MECR: variants seen among roughly 807,000 people sequenced by gnomAD.
MECR encodes mitochondrial trans-2-enoyl-CoA reductase, also known as enoyl-[acyl-carrier-protein] reductase, mitochondrial.
Under a neutral mutation model 49.1 loss-of-function variants are expected in MECR, and 37 were observed. That is an observed-to-expected ratio of 0.75 (90% CI 0.58 to 0.99). MECR has a LOEUF of 0.99. Ranked by LOEUF, MECR falls within the 50% of genes least tolerant of loss-of-function variation. MECR has a pLI of 0.00. For missense variants in MECR, 470 were observed against 479.6 expected (o/e 0.98, Z 0.19); for synonymous variants, 198 against 191.1 (o/e 1.04, Z -0.30).
At chr1:29,198,717 A>G (rs1201737752) in intron 7 of MECR, among the ~76,000 whole-genome samples, 1 of 152,106 alleles carries the variant, frequency 6.6e-6, no homozygotes, top group Non-Finnish European at 1.5e-5. Context: ...CCTGGGTTCA[A>G]GCAATTCTCC....
chr1:29,226,992 T>C (rs973042652), intron 1 of MECR, among the ~76,000 whole-genome samples: 3 of 127,132 alleles, frequency 2.4e-5, no homozygotes, highest in African/African-American at 9.0e-5. Flanking sequence ...ACAGCCTCAC[T>C]CTGTCGCTGA....
chr1:29,184,837 G>A, the MECR span, among the ~76,000 whole-genome samples: 1 of 151,654 alleles, frequency 6.6e-6, no homozygotes, highest in African/African-American at 2.4e-5. Context: ...TAAACTACTG[G>A]GCTCAGGCCA....
Position 29,196,182 on chromosome 1 carries a change from T to C in MECR, c.891+16A>G. 2 of 1,614,130 alleles carry C rather than the reference T, an allele frequency of 1.2e-6. No homozygotes were observed. The highest frequency in any genetic ancestry group is 1.7e-6 in the Non-Finnish European group (2 of 1,179,988). On this transcript the variant is annotated intron_variant, in intron 8 of 9. Coordinates refer to ENST00000263702, the MANE Select transcript of MECR (RefSeq NM_016011.5). ...TGGCCCGGCTCCAGGCATGCCTCCCTCTGCACCCAGCTTACCACAGAGGCT... is the reference window on the plus strand; with the variant it reads ...TGGCCCGGCTCCAGGCATGCCTCCCCCTGCACCCAGCTTACCACAGAGGCT...
intron 1 of MECR, among the ~76,000 whole-genome samples, chr1:29,226,952 C>CTTTTTT (rs890320572): frequency 6.0e-5 from 6 of 99,720 alleles, no homozygotes; most frequent in Non-Finnish European, 8.0e-5. Flanking sequence ...TGGGAACTAT[C>CTTTTTT]TTTTTTTTTT....
intron 1 of MECR, chr1:29,228,970 A>G (rs900035884): frequency 1.3e-5 from 2 of 152,224 alleles, no homozygotes; most frequent in African/African-American, 4.8e-5. Flanking sequence ...ATTCCTGGAA[A>G]TGGAGGAGTG....
In MECR at chr1:29,230,864, G is replaced by C; in HGVS notation, c.43C>G (p.Arg15Gly). 1 of 1,607,810 alleles carries C rather than the reference G, an allele frequency of 6.2e-7. No homozygotes were observed. Among genetic ancestry groups the C allele is most frequent in the African/African-American group, 1.3e-5 (1 of 74,956 alleles). The change falls in exon 1 of 10, where the codon CGG becomes GGG. Residue 15 changes from arginine (R) to glycine (G), a missense_variant. Arg to Gly is a moderately radical substitution (Grantham distance 125). Coordinates refer to ENST00000263702, the MANE Select transcript of MECR (RefSeq NM_016011.5). The stretch of plus-strand genomic sequence containing the variant: ...GCTGGGAGCAGCCCCCGCCACTGCC[G>C]GGCGGGGGTTCGCACCCGCCACAGG... Reference protein sequence around the residue: ...STLWRVRTPARQWRGLLPASG... With the variant: ...STLWRVRTPAGQWRGLLPASG...
chr1:29,210,434 T>G (rs1422236876), intron 3 of MECR, among the ~76,000 whole-genome samples: 1 of 152,156 alleles, frequency 6.6e-6, no homozygotes, highest in African/African-American at 2.4e-5. Context: ...CCTGTGGGCT[T>G]CCCCCGGACT....
the MECR span, among the ~76,000 whole-genome samples, chr1:29,178,368 CAG>C: frequency 5.0e-4 from 6 of 11,998 alleles, no homozygotes; most frequent in Middle Eastern, 0.14. Flanking sequence ...TTTTTTGAGA[CAG>C]AGTCTCGCTG....
intron 4 of MECR, among the ~76,000 whole-genome samples, chr1:29,204,111 A>G (rs1675972202): frequency 6.6e-6 from 1 of 151,986 alleles, no homozygotes; most frequent in Non-Finnish European, 1.5e-5. Flanking sequence ...CCCAGCTACT[A>G]GGGAGGCTGA....
chr1:29,169,627 A>C, the MECR span: 4 of 152,236 alleles, frequency 2.6e-5, no homozygotes, highest in African/African-American at 9.6e-5. Flanking sequence ...CAGCAATGAG[A>C]ACACAAATAT....
chr1:29,203,300 C>T (rs1258244129), intron 4 of MECR, 67 bp from the exon 5 acceptor site: 7 of 1,291,314 alleles, frequency 5.4e-6, no homozygotes, highest in Non-Finnish European at 6.5e-6. Flanking sequence ...AGGCTCCCAG[C>T]CGGGGATCCT....
Position 29,216,626 on chromosome 1 carries a change from G to T in MECR, c.236C>A (p.Ala79Glu), listed in dbSNP as rs750365471. The T allele has an allele frequency of 1.2e-6, 2 of 1,614,038 alleles. No homozygotes were observed. Among genetic ancestry groups the T allele is most frequent in the Admixed American group, 3.3e-5 (2 of 60,008 alleles). ...TATGTCAGATGGATTGATAGGGGCC[G>T]CCAGCATCTTCACACGGACATCTGA... ...RGSDVRVKML[A>E]APINPSDINM... is the part of the protein sequence containing the mutation. Residue 79 changes from alanine to glutamate, a missense_variant, in exon 2 of 10, where the codon GCG becomes GAG. Physicochemically the swap from Ala to Glu is moderately radical, Grantham distance 107 (BLOSUM62 -1). Coordinates refer to ENST00000263702, the MANE Select transcript of MECR (RefSeq NM_016011.5).
At chr1:29,186,902 G>A in the MECR span, among the ~76,000 whole-genome samples, 3 of 152,156 alleles carry the variant, frequency 2.0e-5, no homozygotes, top group South Asian at 6.2e-4. Flanking sequence ...TCTGTAAAGT[G>A]GTGACATTAA....
At chr1:29,181,228 T>G in the MECR span, among the ~76,000 whole-genome samples, 1 of 151,944 alleles carries the variant, frequency 6.6e-6, no homozygotes, top group South Asian at 2.1e-4. Context: ...GGGCAAGAGG[T>G]GAAAGGGAGC....
At chr1:29,215,942 G>A (rs1244074696) in intron 3 of MECR, 63 bp downstream of exon 3, 6 of 1,594,388 alleles carry the variant, frequency 3.8e-6, no homozygotes, top group Admixed American at 1.7e-5. Flanking sequence ...AGTGGATGCC[G>A]ACAGAGTGGG....
downstream of MECR, among the ~76,000 whole-genome samples, chr1:29,188,543 C>G (rs1461296350): frequency 6.6e-6 from 1 of 152,110 alleles, no homozygotes; most frequent in Non-Finnish European, 1.5e-5. Context: ...TAGGTAGTCA[C>G]TGGGTGGATG....
intron 3 of MECR, among the ~76,000 whole-genome samples, chr1:29,209,028 C>T (rs544054784): frequency 7.1e-4 from 108 of 152,210 alleles, no homozygotes; most frequent in Non-Finnish European, 1.2e-3. Flanking sequence ...GATGCTGCAC[C>T]GCAGGGTGGA....
chr1:29,195,815 C>T (rs1673830280), intron 9 of MECR, 126 bp downstream of exon 9: 1 of 951,696 alleles, frequency 1.1e-6, no homozygotes, highest in Non-Finnish European at 1.7e-6. Context: ...AGGCTATTCT[C>T]TTTGATCCTT....
At position 29,203,191 on chromosome 1, in the gene MECR, T is replaced by C; in HGVS notation, c.593A>G (p.Gln198Arg). Residue 198 changes from glutamine (Q) to arginine (R), a missense_variant, in exon 5 of 10, where the codon CAA becomes CGA. Transcript: ENST00000263702. ...GGCTGCGGCGATCTGGATGACTGCT[T>C]GCCCCACTCCGCTGTTGGATGCATT... ...IQNASNSGVG[Q>R]AVIQIAAALG... The C allele has an allele frequency of 6.3e-7, 1 of 1,585,214 alleles. No individual in the cohort carries two copies. The highest frequency in any genetic ancestry group is 8.6e-7 in the Non-Finnish European group (1 of 1,162,000).
Sources: allele counts gnomAD v4.1 joint callset (sites outside exome capture counted in the v4.1 genomes callset), GRCh38; gene constraint gnomAD v4.1.1; transcripts MANE v1.5; gene names NCBI Gene and HGNC (gene_info 2026-07-23, HGNC 2026-07-21).